The following NKD1 variants were observed in gnomAD, a reference collection of about 807,000 sequenced individuals.
NKD1 encodes the protein NKD inhibitor of Wnt signaling pathway 1.
In NKD1, 21 loss-of-function variants were observed where a neutral mutation model predicts 56.0. That is an observed-to-expected ratio of 0.38 (90% confidence interval 0.27 to 0.54). NKD1 has a LOEUF of 0.54. NKD1 is among the 20% of genes least tolerant of loss of function. The pLI, the probability that NKD1 is intolerant of heterozygous loss-of-function variation, is 0.82. For missense variants in NKD1, 578 were observed against 642.7 expected, an observed-to-expected ratio of 0.90 and a Z score of 1.09; for synonymous variants, 263 against 265.7, an observed-to-expected ratio of 0.99 and a Z score of 0.10.
In NKD1 at chr16:50,625,553, T is replaced by C; in HGVS notation, c.435T>C (p.Phe145=). 2 of 1,613,706 alleles carry C rather than the reference T, an allele frequency of 1.2e-6. No individual in the cohort carries two copies. Among genetic ancestry groups the C allele is most frequent in the Non-Finnish European group, 1.7e-6 (2 of 1,179,630 alleles). The change falls in exon 6 of 10, where the codon TTT becomes TTC. Residue 145 remains phenylalanine (F), a synonymous_variant. Coordinates refer to ENST00000268459, the MANE Select transcript of NKD1 (RefSeq NM_033119.5). The part of the protein sequence containing the change: ...RQEWTFTLYD[F]DNNGKVTRED... ...AGTGGACCTTCACCCTGTATGACTT[T>C]GACAACAACGGCAAGGTCACCCGAG... is the stretch of plus-strand genomic sequence containing the variant.
In NKD1 at chr16:50,642,076, C is replaced by G. The variant is rs565707434; in HGVS notation, c.*8295C>G. On this transcript the variant is annotated 3_prime_UTR_variant, in exon 10 of 10. Transcript: ENST00000268459. ...GCTCCAGGGACTTTGGAGATTTAAG[C>G]AAAGCAAGAAATGGGAAAGGAGTTT... 71 of 152,308 alleles carry G rather than the reference C, an allele frequency of 4.7e-4. No homozygotes were observed. Among genetic ancestry groups the G allele is most frequent in the African/African-American group, 1.6e-3 (68 of 41,564 alleles). The allele number at this position is 152,308 out of a possible 1,614,324, so 9.4% of individuals were successfully genotyped here.
At chr16:50,630,665 A>T (rs1375740590) in intron 7 of NKD1, among the ~76,000 whole-genome samples, 161 bp from the exon 8 acceptor site, 2 of 151,878 alleles carry the variant, frequency 1.3e-5, no homozygotes, top group Non-Finnish European at 2.9e-5. Flanking sequence ...CTAGATGGGG[A>T]TGTGTCCAGG....
intron 3 of NKD1, among the ~76,000 whole-genome samples, chr16:50,572,771 G>A (rs901039953): frequency 2.6e-5 from 4 of 152,168 alleles, no homozygotes; most frequent in Non-Finnish European, 4.4e-5. Flanking sequence ...GCTTGAGCTT[G>A]TCCCTGAGTC....
At chr16:50,602,934 G>A (rs1961628753) in intron 3 of NKD1, among the ~76,000 whole-genome samples, 1 of 152,214 alleles carries the variant, frequency 6.6e-6, no homozygotes, top group Non-Finnish European at 1.5e-5. Flanking sequence ...AAACATCACT[G>A]GATTCGAATG....
chr16:50,625,062 C>T lies in NKD1; in HGVS notation c.367-423C>T, dbSNP rs377072497. 1.0e-3 allele frequency among the ~76,000 whole-genome samples: 159 copies of T among 152,260 alleles called. 5 individuals carry two copies. The South Asian group carries it at 0.028, about 27-fold the overall frequency. ...GGAGGGGCCTGCAGGGGCTGGATCCCGGGGCTGACCGACACCCGAACCCCT... is the reference window on the plus strand; with the variant it reads ...GGAGGGGCCTGCAGGGGCTGGATCCTGGGGCTGACCGACACCCGAACCCCT... On this transcript the variant is annotated intron_variant, in intron 5 of 9. Transcript: ENST00000268459.
intron 5 of NKD1, among the ~76,000 whole-genome samples, chr16:50,622,256 G>T (rs1170035311): frequency 6.6e-6 from 1 of 152,238 alleles, no homozygotes; most frequent in Non-Finnish European, 1.5e-5. Context: ...GAGGCTCTGA[G>T]CGTAGGGGTA....
chr16:50,553,405 C>T (rs1297726475), intron 3 of NKD1: 1 of 152,270 alleles, frequency 6.6e-6, no homozygotes, highest in Non-Finnish European at 1.5e-5. Flanking sequence ...AAGCCCGCCT[C>T]TGGATCAAAG....
intron 4 of NKD1, among the ~76,000 whole-genome samples, chr16:50,617,924 A>G (rs1961999386): frequency 6.6e-6 from 1 of 152,170 alleles, no homozygotes; most frequent in Admixed American, 6.5e-5. Context: ...GAAGGGCCGG[A>G]TAGTATGTAT....
intron 4 of NKD1, among the ~76,000 whole-genome samples, chr16:50,610,409 G>T (rs1026892187): frequency 1.3e-5 from 2 of 152,158 alleles, no homozygotes; most frequent in African/African-American, 4.8e-5. Flanking sequence ...TGGTCCTGTG[G>T]CCCGAGGCCT....
chr16:50,608,109 G>T, intron 3 of NKD1, 185 bp from the exon 4 acceptor site: 2 of 614,822 alleles, frequency 3.3e-6, no homozygotes, highest in South Asian at 3.6e-5. Flanking sequence ...ATGCGTGTGG[G>T]TTTATGTTAA....
chr16:50,611,542 C>A (rs1316920345), intron 4 of NKD1, among the ~76,000 whole-genome samples: 3 of 152,198 alleles, frequency 2.0e-5, no homozygotes, highest in Non-Finnish European at 4.4e-5. Context: ...GCTTCCTCAG[C>A]CCAAGGGTGG....
rs184041482 is a variant in NKD1 at position 50,620,243 on chromosome 16, G to T, written c.260-1359G>T. Among the ~76,000 whole-genome samples, 15 of 152,382 alleles carry T rather than the reference G, an allele frequency of 9.8e-5. No individual in the cohort carries two copies. The East Asian group carries it at 2.9e-3, about 29-fold the overall frequency. On this transcript the variant is annotated intron_variant, in intron 4 of 9. Coordinates refer to ENST00000268459, the MANE Select transcript of NKD1 (RefSeq NM_033119.5). ...AGGACCAGAGCAGAGCAGGAGAGCT[G>T]GGGCCCAGGCCCACTGGGGGCATCT...
chr16:50,555,123 G>A (rs948147836), intron 3 of NKD1, among the ~76,000 whole-genome samples: 5 of 152,160 alleles, frequency 3.3e-5, no homozygotes, highest in African/African-American at 4.8e-5. Context: ...CTGAGGCTGA[G>A]GAGAGAGGAG....
rs981026943 is a variant in NKD1 at position 50,549,359 on chromosome 16, C to T, written c.59-63C>T. The T allele has an allele frequency of 1.9e-6, 3 of 1,577,146 alleles. No homozygotes were observed. In the Admixed American group the frequency reaches 5.3e-5, roughly 28 times the overall value. On this transcript the variant is annotated intron_variant, in intron 2 of 9. Coordinates refer to ENST00000268459, the MANE Select transcript of NKD1 (RefSeq NM_033119.5). ...CTCCCACCGCGCCTCCTTCTTCCCT[C>T]CGCGGGGGTAACTTTTGGCACCTGG...
chr16:50,574,417 G>A (rs1187774663), intron 3 of NKD1: 96 of 985,366 alleles, frequency 9.7e-5, no homozygotes, highest in Non-Finnish European at 1.1e-4. Flanking sequence ...CGACATAGCC[G>A]TCTTCCCCCA....
At chr16:50,588,307 A>T (rs1189645057) in intron 3 of NKD1, among the ~76,000 whole-genome samples, 1 of 152,246 alleles carries the variant, frequency 6.6e-6, no homozygotes, top group Non-Finnish European at 1.5e-5. Context: ...GCAAGTTTAG[A>T]ATGACAGGTC....
At chr16:50,608,216 C>T (rs1459576120) in intron 3 of NKD1, 78 bp from the exon 4 acceptor site, 10 of 968,010 alleles carry the variant, frequency 1.0e-5, no homozygotes, top group Non-Finnish European at 1.5e-5. Flanking sequence ...GCCCAGGGTC[C>T]TCATGGCACT....
Position 50,633,647 on chromosome 16 carries a change from C to G in NKD1, c.1279C>G (p.Leu427Val). The part of the protein sequence containing the change: ...QAPLASGGPV[L>V]GREHLRELPA... ...ACCACTGGCCTCAGGTGGCCCTGTC[C>G]TGGGGCGGGAGCACCTGCGGGAGCT... is the stretch of plus-strand genomic sequence containing the variant. The change falls in exon 10 of 10, where the codon CTG becomes GTG. Residue 427 changes from leucine to valine, a missense_variant. Coordinates refer to ENST00000268459, the MANE Select transcript of NKD1 (RefSeq NM_033119.5). This position sits in a 1 kb window ranked among gnomAD's most constrained non-coding sequence, Gnocchi z 4.9. 2.5e-6 allele frequency: 4 copies of G among 1,606,794 alleles called. No individual in the cohort carries two copies. The highest frequency in any genetic ancestry group is 3.4e-6 in the Non-Finnish European group (4 of 1,177,248).
chr16:50,611,845 A>G (rs1961855356), intron 4 of NKD1, among the ~76,000 whole-genome samples: 1 of 152,136 alleles, frequency 6.6e-6, no homozygotes, highest in African/African-American at 2.4e-5. Flanking sequence ...GTTATTGTGA[A>G]GACAATGAGG....
Sources: allele counts gnomAD v4.1 joint callset (sites outside exome capture counted in the v4.1 genomes callset), GRCh38; gene constraint gnomAD v4.1.1; non-coding constraint Gnocchi (gnomAD v3.1); transcripts MANE v1.5; gene names NCBI Gene and HGNC (gene_info 2026-07-23, HGNC 2026-07-21).